Variants in COL25A1 observed in about 807,000 individuals in gnomAD.
COL25A1 encodes collagen alpha-1(XXV) chain.
A neutral mutation model predicts 128.4 loss-of-function variants in COL25A1; 103 were observed. The observed-to-expected ratio is 0.80, with a 90% CI of 0.68 to 0.94. The LOEUF is 0.94. Among genes scored for constraint, COL25A1 ranks in the 40% least tolerant of loss-of-function variants. The probability of loss-of-function intolerance (pLI) is 0.00; values close to 1 mark genes in which losing one functional copy is unlikely to be tolerated. For missense variants in COL25A1, 745 were observed against 840.0 expected, an observed-to-expected ratio of 0.89 and a Z score of 1.40; for synonymous variants, 279 against 277.2, an observed-to-expected ratio of 1.01 and a Z score of -0.06.
At chr4:108,972,821 A>T (rs887037427) in intron 8 of COL25A1, among the ~76,000 whole-genome samples, 2 of 152,196 alleles carry the variant, frequency 1.3e-5, no homozygotes, top group Non-Finnish European at 2.9e-5. Context: ...CAAACTTTCA[A>T]GGAACCTGGT....
intron 3 of COL25A1, among the ~76,000 whole-genome samples, chr4:109,155,123 A>G (rs1393210660): frequency 6.6e-6 from 1 of 152,238 alleles, no homozygotes; most frequent in African/African-American, 2.4e-5. Context: ...CTTTTTAAGC[A>G]ACTCTGGTCA....
chr4:108,969,758 C>A (rs1751715901), intron 8 of COL25A1, among the ~76,000 whole-genome samples: 1 of 151,100 alleles, frequency 6.6e-6, no homozygotes, highest in Non-Finnish European at 1.5e-5. Flanking sequence ...TACCTCTCCA[C>A]TGAGGACTGG....
At chr4:108,911,614 G>A (rs1488707164) in intron 13 of COL25A1, among the ~76,000 whole-genome samples, 3 of 152,180 alleles carry the variant, frequency 2.0e-5, no homozygotes, top group South Asian at 2.1e-4. Flanking sequence ...AAATTAATAC[G>A]TTAATCAATG....
Position 109,137,173 on chromosome 4 carries a change from C to T in COL25A1, c.368-86994G>A, listed in dbSNP as rs552404194. 7.2e-5 allele frequency among the ~76,000 whole-genome samples: 11 copies of T among 152,016 alleles called. No individual in the cohort carries two copies. The East Asian group carries it at 1.2e-3, about 16-fold the overall frequency. ...AATACACCATGTTAAAGAACTGGGT[C>T]GAGCATTAACCTAAAAGAATGAGAA... On this transcript the variant is annotated intron_variant, in intron 3 of 37. Transcript: ENST00000399132.
At chr4:109,075,744 A>G (rs1763321934) in intron 3 of COL25A1, among the ~76,000 whole-genome samples, 1 of 152,206 alleles carries the variant, frequency 6.6e-6, no homozygotes, top group Admixed American at 6.5e-5. Flanking sequence ...TATAGTCCAC[A>G]CAGACTTAGC....
chr4:109,018,615 C>A (rs1024835177), intron 5 of COL25A1, among the ~76,000 whole-genome samples: 2 of 152,204 alleles, frequency 1.3e-5, no homozygotes, highest in Admixed American at 6.5e-5. Flanking sequence ...TCTACACTTG[C>A]AGCACCAGGG....
chr4:109,297,352 A>C (rs1478250377), intron 3 of COL25A1, among the ~76,000 whole-genome samples: 2 of 152,102 alleles, frequency 1.3e-5, no homozygotes, highest in Non-Finnish European at 2.9e-5. Flanking sequence ...TCACATAATT[A>C]AGCTACTTCT....
At chr4:109,237,820 C>A (rs557703846) in intron 3 of COL25A1, among the ~76,000 whole-genome samples, 1 of 152,014 alleles carries the variant, frequency 6.6e-6, no homozygotes, top group South Asian at 2.1e-4. Context: ...TAAACAATAA[C>A]TGCCTGTTCT....
At chr4:108,925,944 C>T (rs1019634) in intron 11 of COL25A1, among the ~76,000 whole-genome samples, 104,824 of 152,032 alleles carry the variant, frequency 0.69, 37,511 homozygotes, top group East Asian at 1. Flanking sequence ...AAAACAATTA[C>T]GCAAACAGTA....
chr4:109,278,306 T>A (rs1723043481), intron 3 of COL25A1, among the ~76,000 whole-genome samples: 1 of 152,224 alleles, frequency 6.6e-6, no homozygotes, highest in African/African-American at 2.4e-5. Flanking sequence ...TGTTCAGTGA[T>A]TATATCCTTT....
intron 3 of COL25A1, among the ~76,000 whole-genome samples, chr4:109,084,310 A>G (rs770187497): frequency 1.6e-4 from 25 of 152,214 alleles, no homozygotes; most frequent in Non-Finnish European, 1.3e-4. Context: ...AAAAATGAAT[A>G]AATTATAGGT....
intron 3 of COL25A1, among the ~76,000 whole-genome samples, chr4:109,262,239 C>A (rs1008028437): frequency 3.3e-5 from 5 of 152,030 alleles, no homozygotes; most frequent in Non-Finnish European, 5.9e-5. Context: ...ACAGGCCAGG[C>A]GCAGTGGCTC....
chr4:109,013,535 G>T (rs965433379), intron 5 of COL25A1, among the ~76,000 whole-genome samples: 7 of 94,176 alleles, frequency 7.4e-5, no homozygotes, highest in Non-Finnish European at 1.3e-4. Context: ...TCTTGCTGCT[G>T]CTCACTCTTT....
At chr4:108,909,114 C>T (rs925871100) in intron 13 of COL25A1, among the ~76,000 whole-genome samples, 1 of 152,128 alleles carries the variant, frequency 6.6e-6, no homozygotes, top group African/African-American at 2.4e-5. Context: ...TTTACAAGAA[C>T]AGTTTAGCTT....
At chr4:108,995,691 C>T (rs545719936) in intron 6 of COL25A1, among the ~76,000 whole-genome samples, 17 of 152,052 alleles carry the variant, frequency 1.1e-4, no homozygotes, top group Non-Finnish European at 1.9e-4. Context: ...TTGAAATGAA[C>T]GAAAAAATGT....
At chr4:109,073,540 C>T (rs1352224830) in intron 3 of COL25A1, among the ~76,000 whole-genome samples, 1 of 149,792 alleles carries the variant, frequency 6.7e-6, no homozygotes, top group Admixed American at 6.6e-5. Flanking sequence ...TTTCAGATTG[C>T]TAGATATTTA....
rs1731344295 is a variant in COL25A1 at position 108,817,412 on chromosome 4, AG to A, written c.1946del (p.Pro649LeufsTer19). On this transcript the variant is annotated frameshift_variant, in exon 37 of 38. Coordinates refer to ENST00000399132, the MANE Select transcript of COL25A1 (RefSeq NM_198721.4). LOFTEE classifies it high-confidence loss of function. ...TAAAGCCTACCTTTTGCCAACAGCC[AG>A]GCATGGGTAAGCCATCTGGCCCCTG... ...CQLGPDGLPMPGCWQK is the reference protein window; with the variant it reads ...CQLGPDGLPMXGCWQK The A allele has an allele frequency of 6.2e-7, 1 of 1,613,384 alleles. No homozygotes were observed. The highest frequency in any genetic ancestry group is 8.5e-7 in the Non-Finnish European group (1 of 1,179,530).
intron 4 of COL25A1, among the ~76,000 whole-genome samples, chr4:109,049,924 A>T (rs1760827477): frequency 6.6e-6 from 1 of 152,258 alleles, no homozygotes; most frequent in Admixed American, 6.5e-5. Flanking sequence ...AATTAACAAT[A>T]CTTTGCAAAC....
intron 3 of COL25A1, among the ~76,000 whole-genome samples, chr4:109,197,477 TATTATATATTATATATAA>T (rs1776201776): frequency 3.4e-5 from 4 of 118,410 alleles, no homozygotes; most frequent in Non-Finnish European, 6.9e-5. Flanking sequence ...ATATAATATA[TATTATATATTATATATAA>T]ATATATATTA....
Sources: allele counts gnomAD v4.1 joint callset (sites outside exome capture counted in the v4.1 genomes callset), GRCh38; gene constraint gnomAD v4.1.1; transcripts MANE v1.5; gene names NCBI Gene and HGNC (gene_info 2026-07-23, HGNC 2026-07-21).